DLEC1: variants seen among roughly 807,000 people sequenced by gnomAD.
The protein encoded by DLEC1 is DLEC1 cilia and flagella associated protein.
DLEC1 carries 146 observed loss-of-function variants against 198.1 expected under a neutral mutation model. The ratio of observed to expected loss-of-function variants is 0.74; its 90% CI spans 0.64 to 0.85. DLEC1 has a LOEUF of 0.85. Ranked by LOEUF, DLEC1 falls within the 40% of genes least tolerant of loss-of-function variation. DLEC1 has a pLI of 0.00. For missense variants in DLEC1, 2,233 were observed against 2,220.0 expected (o/e 1.01, Z -0.12); for synonymous variants, 897 against 866.8 (o/e 1.03, Z -0.61).
rs1423054821 is a variant in DLEC1, at chr3:38,122,279, C to T, written c.5145-10C>T. ...GCCTCCTAACCTCAGCCCCCACATGCTCCCCACAGGAGTAGTGAGCTGTAC... is the reference window on the plus strand; with the variant it reads ...GCCTCCTAACCTCAGCCCCCACATGTTCCCCACAGGAGTAGTGAGCTGTAC... On this transcript the variant is annotated splice_polypyrimidine_tract_variant and intron_variant, in intron 36 of 36. Coordinates refer to ENST00000308059, the MANE Select transcript of DLEC1 (RefSeq NM_007335.4). The T allele has an allele frequency of 3.1e-6, 5 of 1,608,412 alleles. No individual in the cohort carries two copies. Among genetic ancestry groups the T allele is most frequent in the Non-Finnish European group, 4.3e-6 (5 of 1,175,944 alleles).
intron 29 of DLEC1, 33 bp from the exon 30 acceptor site, chr3:38,116,942 G>A (rs1372029463): frequency 6.2e-7 from 1 of 1,612,872 alleles, no homozygotes; most frequent in East Asian, 2.2e-5. Flanking sequence ...CAGTGGGCAT[G>A]GGACAGTGCT....
At position 38,054,205 on chromosome 3, in the gene DLEC1, A is replaced by C. The variant is rs373629786; in HGVS notation, c.563-5537A>C. 3.8e-4 allele frequency among the ~76,000 whole-genome samples: 27 copies of C among 71,596 alleles called. No individual in the cohort carries two copies. In the East Asian group the frequency reaches 0.013, roughly 34 times the overall value. The allele number at this position is 71,596 out of a possible 152,430, so 47.0% of individuals were successfully genotyped here. A position where few individuals can be genotyped will look rare whatever the true frequency, so the allele number is the denominator to read the frequency against. ...GAATGATCAATAAATACTAAAAAAA[A>C]AAACAAAACAAAAAAACAAACAAAC... is the stretch of plus-strand genomic sequence containing the variant. On this transcript the variant is annotated intron_variant, in intron 2 of 36. Coordinates refer to ENST00000308059, the MANE Select transcript of DLEC1 (RefSeq NM_007335.4).
At chr3:38,121,882 C>T (rs1296938075) in intron 35 of DLEC1, 101 bp downstream of exon 35, 13 of 1,523,132 alleles carry the variant, frequency 8.5e-6, no homozygotes, top group African/African-American at 1.4e-5. Flanking sequence ...TGCATGCTGG[C>T]TCCCAGGGCA....
intron 6 of DLEC1, among the ~76,000 whole-genome samples, chr3:38,075,005 G>T (rs1292675997): frequency 6.6e-6 from 1 of 152,156 alleles, no homozygotes; most frequent in Admixed American, 6.5e-5. Flanking sequence ...GCCGGACCGG[G>T]TGTGAGGAGG....
chr3:38,039,211 G>A lies in DLEC1; in HGVS notation c.-15G>A, dbSNP rs943577580. On this transcript the variant is annotated 5_prime_UTR_variant, in exon 1 of 37. Transcript: ENST00000308059. ...AGCCGAAGTGCCGCAGGGAGTTAGC[G>A]GCGTCTCGGTTGCCATGGAGACCAG... The A allele has an allele frequency of 1.3e-6, 2 of 1,583,540 alleles. No homozygotes were observed. Among genetic ancestry groups the A allele is most frequent in the Admixed American group, 1.8e-5 (1 of 56,568 alleles).
At position 38,084,462 on chromosome 3, in the gene DLEC1, ATAG is replaced by A. The variant is rs1698285609; in HGVS notation, c.1261+222_1261+224del. Among the ~76,000 whole-genome samples, 195 of 19,226 alleles carry A rather than the reference ATAG, an allele frequency of 0.01. 19 individuals are homozygous for A. In the South Asian group the frequency reaches 0.27, roughly 26 times the overall value. The allele number at this position is 19,226 out of a possible 152,430, so 12.6% of individuals were successfully genotyped here. Reference sequence around the variant, plus strand: ...GGTGGTGGTGGTGGTGGTAGTAGTAATAGTAGTGGTGGTGGTGGTAGTAGTGGT... The same window carrying A: ...GGTGGTGGTGGTGGTGGTAGTAGTAATAGTGGTGGTGGTGGTAGTAGTGGT... On this transcript the variant is annotated intron_variant, in intron 7 of 36. Coordinates refer to ENST00000308059, the MANE Select transcript of DLEC1 (RefSeq NM_007335.4).
chr3:38,073,570 G>A (rs575664662), intron 6 of DLEC1, among the ~76,000 whole-genome samples: 42 of 152,232 alleles, frequency 2.8e-4, no homozygotes, highest in South Asian at 1.0e-3. Context: ...GGAGAAGAGC[G>A]GCAATGAGAT....
intron 7 of DLEC1, among the ~76,000 whole-genome samples, chr3:38,084,613 A>AGTAGTAGTGGTGGTGGTAGTGGTG (rs1365059954): frequency 8.9e-5 from 2 of 22,582 alleles, no homozygotes; most frequent in African/African-American, 3.7e-4. Flanking sequence ...CAGTAGCAGT[A>AGTAGTAGTGGTGGTGGTAGTGGTG]GCAGTACTGC....
chr3:38,052,241 T>C (rs1701153801), intron 2 of DLEC1: 1 of 477,706 alleles, frequency 2.1e-6, no homozygotes, highest in Non-Finnish European at 4.2e-6. Flanking sequence ...CAGTACCTGA[T>C]GACCAGAGAC....
rs892362442 is a variant in DLEC1 at position 38,116,962 on chromosome 3, G to T, written c.4180-13G>T. On this transcript the variant is annotated splice_polypyrimidine_tract_variant and intron_variant, in intron 29 of 36. Transcript: ENST00000308059. ...GGCATGGGACAGTGCTAAGGCTGCT[G>T]TGTCTATGCCAGGTGGTCCCTGCTG... 1 of 1,613,508 alleles carries T rather than the reference G, an allele frequency of 6.2e-7. No homozygotes were observed. Among genetic ancestry groups the T allele is most frequent in the Non-Finnish European group, 8.5e-7 (1 of 1,179,898 alleles).
At chr3:38,089,134 G>A (rs910142234) in intron 10 of DLEC1, among the ~76,000 whole-genome samples, 6 of 152,214 alleles carry the variant, frequency 3.9e-5, no homozygotes, top group African/African-American at 9.6e-5. Flanking sequence ...AGCAAAAACC[G>A]TCTGGCTTCT....
intron 20 of DLEC1, among the ~76,000 whole-genome samples, 174 bp from the exon 21 acceptor site, chr3:38,108,231 G>A (rs2125717955): frequency 6.6e-6 from 1 of 152,320 alleles, no homozygotes; most frequent in East Asian, 1.9e-4. Flanking sequence ...GGGAGGAGAG[G>A]AGAAGGGACC....
chr3:38,110,568 G>A (rs920051131), intron 23 of DLEC1, among the ~76,000 whole-genome samples: 1 of 152,194 alleles, frequency 6.6e-6, no homozygotes, highest in African/African-American at 2.4e-5. Flanking sequence ...CTGTAGTGAG[G>A]GAGAGGTTAC....
In DLEC1 at chr3:38,116,433, G is replaced by A. The variant is rs746851581; in HGVS notation, c.3857-20G>A. 6.2e-7 allele frequency: 1 copy of A among 1,613,744 alleles called. No homozygotes were observed. Among genetic ancestry groups the A allele is most frequent in the African/African-American group, 1.3e-5 (1 of 75,018 alleles). ...CTGCTCCTCCCTTATTCCTCACCCT[G>A]CTCCACACATCTGCCCCAGACATCC... On this transcript the variant is annotated intron_variant, in intron 27 of 36. Transcript: ENST00000308059.
rs373218319 is a variant in DLEC1 at position 38,111,754 on chromosome 3, G to A, written c.3514+7G>A. On this transcript the variant is annotated splice_region_variant and intron_variant, in intron 24 of 36. Transcript: ENST00000308059. ...GCCAAGCGAGAGCAGCTGGGTAAGCGCCACCAGGGTGGGGCTTCGGGGCCC... is the reference window on the plus strand; with the variant it reads ...GCCAAGCGAGAGCAGCTGGGTAAGCACCACCAGGGTGGGGCTTCGGGGCCC... 1.6e-5 allele frequency: 26 copies of A among 1,609,744 alleles called. No individual in the cohort carries two copies. In the African/African-American group the frequency reaches 2.0e-4, roughly 12 times the overall value.
intron 2 of DLEC1, among the ~76,000 whole-genome samples, chr3:38,053,001 G>A (rs1279045440): frequency 2.0e-5 from 3 of 152,278 alleles, no homozygotes; most frequent in East Asian, 1.9e-4. Context: ...TGTGTTGGCC[G>A]GGCTGGTCTC....
intron 6 of DLEC1, among the ~76,000 whole-genome samples, chr3:38,074,106 G>T (rs1298570909): frequency 6.6e-6 from 1 of 152,242 alleles, no homozygotes; most frequent in East Asian, 1.9e-4. Context: ...CTAGTGGCCA[G>T]ATTTCTGGCA....
chr3:38,062,701 T>G lies in DLEC1; in HGVS notation c.994T>G (p.Phe332Val). ...SRNHFLKNPR[F>V]FPPNTRYGGK... ...GAACCACTTCCTAAAAAATCCCCGT[T>G]TTTTTCCTCCTAACACTCGATATGG... Residue 332 changes from phenylalanine (F) to valine (V), a missense_variant, in exon 5 of 37, where the codon TTT (phenylalanine) becomes GTT (valine). Physicochemically the swap from Phe to Val is conservative, Grantham distance 50. Coordinates refer to ENST00000308059, the MANE Select transcript of DLEC1 (RefSeq NM_007335.4). 6.2e-7 allele frequency: 1 copy of G among 1,614,110 alleles called. No homozygotes were observed. Among genetic ancestry groups the G allele is most frequent in the Non-Finnish European group, 8.5e-7 (1 of 1,180,014 alleles).
chr3:38,065,077 C>T (rs1696941881), intron 6 of DLEC1, among the ~76,000 whole-genome samples: 1 of 152,254 alleles, frequency 6.6e-6, no homozygotes, highest in Non-Finnish European at 1.5e-5. Context: ...GAGACTCCGT[C>T]TGCAATCCCG....
Sources: gnomAD v4.1 joint callset for allele counts (sites outside exome capture counted in the v4.1 genomes callset) on GRCh38, gnomAD v4.1.1 for gene constraint, MANE v1.5 for transcripts, NCBI Gene and HGNC (gene_info 2026-07-23, HGNC 2026-07-21) for gene names.